The following RSF1 variants were observed in gnomAD, a reference collection of about 807,000 sequenced individuals.
RSF1 encodes remodeling and spacing factor 1.
Under a neutral mutation model 145.2 loss-of-function variants are expected in RSF1, and 13 were observed. The observed-to-expected ratio is 0.09, with a 90% CI of 0.06 to 0.14. The LOEUF is 0.14. Ranked by LOEUF, RSF1 falls within the 10% of genes least tolerant of loss-of-function variation. RSF1 has a pLI of 1.00. For missense variants in RSF1, 1,517 were observed against 1,718.2 expected (o/e 0.88, Z 2.07); for synonymous variants, 577 against 592.6 (o/e 0.97, Z 0.38).
At chr11:77,736,318 T>G (rs760821765) in intron 4 of RSF1, among the ~76,000 whole-genome samples, 1 of 152,224 alleles carries the variant, frequency 6.6e-6, no homozygotes, top group African/African-American at 2.4e-5. Context: ...TATGTCTGAG[T>G]AAATTTCTGC....
chr11:77,683,556 G>A lies in RSF1; in HGVS notation c.3065+154C>T, dbSNP rs554070462. Among the ~76,000 whole-genome samples, 428 of 147,564 alleles carry A rather than the reference G, an allele frequency of 2.9e-3. 5 individuals are homozygous for A. Among genetic ancestry groups the A allele is most frequent in the African/African-American group, 0.01 (406 of 40,100 alleles). Reference sequence around the variant, plus strand: ...TCAGTCTCAAAAAAAAAAGAAAAAGGAAAAAAAAAATTCTATGACTAAAGA... The same window carrying A: ...TCAGTCTCAAAAAAAAAAGAAAAAGAAAAAAAAAAATTCTATGACTAAAGA... On this transcript the variant is annotated intron_variant, in intron 11 of 15. Transcript: ENST00000308488.
chr11:77,760,053 T>A (rs1013290603), intron 2 of RSF1, among the ~76,000 whole-genome samples: 1 of 152,166 alleles, frequency 6.6e-6, no homozygotes, highest in Non-Finnish European at 1.5e-5. Flanking sequence ...AATTACCATA[T>A]GACCTAACAA....
chr11:77,813,647 G>C (rs191155383), intron 1 of RSF1: 1 of 580,196 alleles, frequency 1.7e-6, no homozygotes, highest in East Asian at 3.3e-5. Context: ...CCAGCTCCAC[G>C]CGTGTTTTTC....
At chr11:77,731,362 G>C (rs1444402667) in intron 4 of RSF1, among the ~76,000 whole-genome samples, 1 of 152,208 alleles carries the variant, frequency 6.6e-6, no homozygotes, top group Non-Finnish European at 1.5e-5. Context: ...TGCTGTTAAA[G>C]TCATTCAGTT....
the RSF1 span, among the ~76,000 whole-genome samples, chr11:77,844,481 G>A: frequency 1.3e-5 from 2 of 152,038 alleles, no homozygotes; most frequent in Non-Finnish European, 1.5e-5. Flanking sequence ...TCCTCCCTCA[G>A]CCTCCTGAGT....
intron 6 of RSF1, 118 bp from the exon 7 acceptor site, chr11:77,698,811 A>T: frequency 1.3e-6 from 1 of 788,488 alleles, no homozygotes; most frequent in Middle Eastern, 3.2e-4. Flanking sequence ...AAGAGGAGAA[A>T]ATTATTATAG....
intron 1 of RSF1, among the ~76,000 whole-genome samples, chr11:77,776,927 T>C (rs1311424132): frequency 6.6e-6 from 1 of 152,184 alleles, no homozygotes; most frequent in East Asian, 1.9e-4. Flanking sequence ...TATAGATTAT[T>C]AAACCACTCA....
chr11:77,857,699 G>GTT, the RSF1 span, among the ~76,000 whole-genome samples: 16 of 137,692 alleles, frequency 1.2e-4, no homozygotes, highest in Admixed American at 2.9e-4. Flanking sequence ...CAACTAAGTT[G>GTT]TTTTTTTTTT....
In RSF1 at chr11:77,701,883, T is replaced by C; in HGVS notation, c.1346A>G (p.Glu449Gly). 3.1e-6 allele frequency: 5 copies of C among 1,614,088 alleles called. No individual in the cohort carries two copies. Among genetic ancestry groups the C allele is most frequent in the Non-Finnish European group, 4.2e-6 (5 of 1,179,982 alleles). The part of the protein sequence containing the change: ...KQLVNGEVSD[E>G]RVAPNFKTEP... ...TGTCTTAAAATTTGGAGCTACCCTT[T>C]CATCACTAACTTCTCCATTTACCAG... The change falls in exon 6 of 16, where the codon GAA becomes GGA. Residue 449 changes from glutamate (E) to glycine (G), a missense_variant. Transcript: ENST00000308488.
chr11:77,825,947 C>T, the RSF1 span, among the ~76,000 whole-genome samples: 1 of 152,140 alleles, frequency 6.6e-6, no homozygotes, highest in Non-Finnish European at 1.5e-5. Context: ...TCACCTCGGC[C>T]TCCCAAAGTG....
chr11:77,678,037 G>C (rs773948375), intron 12 of RSF1, 49 bp downstream of exon 12: 2 of 1,412,802 alleles, frequency 1.4e-6, no homozygotes, highest in African/African-American at 2.8e-5. Context: ...GCACCTGAAT[G>C]AACTTCTTGG....
intron 1 of RSF1, among the ~76,000 whole-genome samples, chr11:77,785,889 G>A (rs1383021979): frequency 8.9e-6 from 1 of 112,726 alleles, no homozygotes; most frequent in African/African-American, 3.4e-5. Flanking sequence ...TCGCGCCACT[G>A]CACTCCAACC....
At chr11:77,809,181 T>A (rs947822470) in intron 1 of RSF1, among the ~76,000 whole-genome samples, 1 of 152,244 alleles carries the variant, frequency 6.6e-6, no homozygotes, top group African/African-American at 2.4e-5. Context: ...ATAGTTTCCT[T>A]ATCTATAAAA....
intron 2 of RSF1, among the ~76,000 whole-genome samples, chr11:77,754,937 C>T (rs746535045): frequency 6.6e-6 from 1 of 152,036 alleles, no homozygotes; most frequent in Non-Finnish European, 1.5e-5. Flanking sequence ...CCACTGCACT[C>T]CAGCCTGGTT....
Position 77,660,071 on chromosome 11 carries a change from A to G in RSF1, c.*6846T>C, listed in dbSNP as rs1238928557. Reference sequence around the variant, plus strand: ...AAGTGAAAGAAATGACAGAAGTATTATAATAAAACATTTTGAAAGAAAAAG... The same window carrying G: ...AAGTGAAAGAAATGACAGAAGTATTGTAATAAAACATTTTGAAAGAAAAAG... On this transcript the variant is annotated 3_prime_UTR_variant, in exon 16 of 16. Coordinates refer to ENST00000308488, the MANE Select transcript of RSF1 (RefSeq NM_016578.4). The G allele has an allele frequency of 6.6e-6, 1 of 152,264 alleles. No individual in the cohort carries two copies. 9.4% of individuals were successfully genotyped at this position (152,264 alleles called of 1,614,324 possible). A position where few individuals can be genotyped will look rare whatever the true frequency, so the allele number is the denominator to read the frequency against.
At chr11:77,842,037 C>A in the RSF1 span, among the ~76,000 whole-genome samples, 1 of 152,100 alleles carries the variant, frequency 6.6e-6, no homozygotes, top group Non-Finnish European at 1.5e-5. Context: ...AAGAAATTGT[C>A]CTTATCTGAA....
Position 77,701,177 on chromosome 11 carries a change from G to C in RSF1, c.2052C>G (p.Asp684Glu). 2 of 1,614,106 alleles carry C rather than the reference G, an allele frequency of 1.2e-6. No individual in the cohort carries two copies. Among genetic ancestry groups the C allele is most frequent in the Admixed American group, 3.3e-5 (2 of 60,010 alleles). The change falls in exon 6 of 16, where the codon GAC (aspartate) becomes GAG (glutamate). Residue 684 changes from aspartate (D) to glutamate (E), a missense_variant. Physicochemically the swap from Asp to Glu is conservative, Grantham distance 45. This residue lies in a region of RSF1 where 579 missense variants were observed against 553.5 expected (regional missense o/e 1.05). Coordinates refer to ENST00000308488, the MANE Select transcript of RSF1 (RefSeq NM_016578.4). ...CCTCTATGCCAGAGGTCTGGGCATT[G>C]TCCAGATTATCCATTTCTACCTTTG... is the stretch of plus-strand genomic sequence containing the variant. The part of the protein sequence containing the change: ...EFTKVEMDNL[D>E]NAQTSGIEEP...
At position 77,675,264 on chromosome 11, in the gene RSF1, A is replaced by G. The variant is rs754714361; in HGVS notation, c.3342-8T>C. ...ACAAACTCATCTTGAGATCTGTCCA[A>G]GAGAAATCAGATAAAATACAATGGT... On this transcript the variant is annotated splice_region_variant and splice_polypyrimidine_tract_variant and intron_variant, in intron 13 of 15. Transcript: ENST00000308488. 1.3e-6 allele frequency: 2 copies of G among 1,599,106 alleles called. No individual in the cohort carries two copies. The highest frequency in any genetic ancestry group is 1.1e-5 in the South Asian group (1 of 88,474).
At chr11:77,681,934 C>T (rs999894837) in intron 11 of RSF1, among the ~76,000 whole-genome samples, 3 of 152,020 alleles carry the variant, frequency 2.0e-5, no homozygotes, top group Admixed American at 6.6e-5. Flanking sequence ...TAATAAATTC[C>T]TATCTTTTTT....
Sources: allele counts gnomAD v4.1 joint callset (sites outside exome capture counted in the v4.1 genomes callset), GRCh38; gene constraint gnomAD v4.1.1; regional missense constraint gnomAD v4.1.1; transcripts MANE v1.5; gene names NCBI Gene and HGNC (gene_info 2026-07-23, HGNC 2026-07-21).